The following SNX29 variants were observed in gnomAD, a reference collection of about 807,000 sequenced individuals.
The protein encoded by SNX29 is sorting nexin-29.
SNX29 carries 78 observed loss-of-function variants against 102.1 expected under a neutral mutation model. The observed-to-expected ratio is 0.76, with a 90% confidence interval of 0.64 to 0.92. The LOEUF (loss-of-function observed/expected upper bound fraction) is 0.92. Ranked by LOEUF, SNX29 falls within the 40% of genes least tolerant of loss-of-function variation. The probability of loss-of-function intolerance (pLI) is 0.00; values close to 1 mark genes in which losing one functional copy is unlikely to be tolerated. For missense variants in SNX29, 1,280 were observed against 1,061.7 expected, an observed-to-expected ratio of 1.21 and a Z score of -2.86; for synonymous variants, 580 against 414.5, an observed-to-expected ratio of 1.40 and a Z score of -4.85.
chr16:12,441,166 C>A (rs982531764), intron 18 of SNX29, among the ~76,000 whole-genome samples: 2 of 147,678 alleles, frequency 1.4e-5, no homozygotes, highest in African/African-American at 5.1e-5. Flanking sequence ...CGGCTCACTG[C>A]AAGCTCCGCC....
At chr16:12,160,737 G>T (rs1352434093) in intron 13 of SNX29, among the ~76,000 whole-genome samples, 1 of 152,162 alleles carries the variant, frequency 6.6e-6, no homozygotes, top group Non-Finnish European at 1.5e-5. Context: ...AAAAAAGTAA[G>T]GAGATTTTGT....
At chr16:12,317,059 C>G (rs1319612702) in intron 15 of SNX29, among the ~76,000 whole-genome samples, 1 of 152,248 alleles carries the variant, frequency 6.6e-6, no homozygotes, top group Admixed American at 6.5e-5. Context: ...TTGCCTCCTA[C>G]CTGCCCAGGT....
chr16:12,549,054 C>G (rs528241733), intron 20 of SNX29, among the ~76,000 whole-genome samples: 1 of 152,344 alleles, frequency 6.6e-6, no homozygotes, highest in East Asian at 1.9e-4. Flanking sequence ...TCCACTCTTG[C>G]AGCTGGGCAG....
At chr16:12,360,360 C>G (rs1447134585) in intron 16 of SNX29, among the ~76,000 whole-genome samples, 2 of 152,174 alleles carry the variant, frequency 1.3e-5, no homozygotes, top group African/African-American at 4.8e-5. Context: ...AGACACTTGG[C>G]TCCTTGAACT....
At chr16:12,561,203 AC>A in intron 20 of SNX29, 1 of 230,568 alleles carries the variant, frequency 4.3e-6, no homozygotes, top group Non-Finnish European at 8.6e-6. Context: ...GCCCATCAGG[AC>A]CCCCGCAGCC....
At chr16:11,980,588 AC>A (rs1203726143) in intron 1 of SNX29, among the ~76,000 whole-genome samples, 1 of 152,154 alleles carries the variant, frequency 6.6e-6, no homozygotes, top group African/African-American at 2.4e-5. Flanking sequence ...GCTGTGTCAG[AC>A]TGTTTTCTAA....
At chr16:12,412,431 C>T (rs1205709685) in intron 18 of SNX29, among the ~76,000 whole-genome samples, 2 of 152,226 alleles carry the variant, frequency 1.3e-5, no homozygotes, top group Non-Finnish European at 2.9e-5. Flanking sequence ...TTCTGTCACT[C>T]TCTCATTGAC....
intron 20 of SNX29, among the ~76,000 whole-genome samples, chr16:12,566,205 C>T (rs1293297598): frequency 1.3e-5 from 2 of 152,212 alleles, no homozygotes; most frequent in Non-Finnish European, 1.5e-5. Flanking sequence ...CACCACAGTA[C>T]TAGGATATGC....
chr16:12,562,581 C>G (rs1035512267), intron 20 of SNX29, among the ~76,000 whole-genome samples: 24 of 152,216 alleles, frequency 1.6e-4, no homozygotes, highest in African/African-American at 5.5e-4. Flanking sequence ...TAGTTTTTAC[C>G]CAGAGACGGG....
chr16:12,330,942 C>T (rs758360127), intron 15 of SNX29, among the ~76,000 whole-genome samples: 1 of 152,230 alleles, frequency 6.6e-6, no homozygotes. Context: ...GCATGCTAGC[C>T]CCCTGGCTTA....
At chr16:12,316,027 G>C (rs1342750238) in intron 15 of SNX29, among the ~76,000 whole-genome samples, 1 of 152,234 alleles carries the variant, frequency 6.6e-6, no homozygotes, top group Non-Finnish European at 1.5e-5. Flanking sequence ...ATACAGCTGA[G>C]TGCTCCGAAG....
At chr16:12,362,928 C>G (rs1266817788) in intron 16 of SNX29, among the ~76,000 whole-genome samples, 1 of 152,166 alleles carries the variant, frequency 6.6e-6, no homozygotes, top group African/African-American at 2.4e-5. Flanking sequence ...TGTGGGTCAA[C>G]TCATTGAGTG....
At chr16:12,169,385 G>C (rs1442649762) in intron 13 of SNX29, among the ~76,000 whole-genome samples, 1 of 152,102 alleles carries the variant, frequency 6.6e-6, no homozygotes, top group Non-Finnish European at 1.5e-5. Context: ...GCTGATCACG[G>C]GCTTCCTTTT....
chr16:12,172,292 C>T (rs772080564), intron 13 of SNX29, among the ~76,000 whole-genome samples: 1 of 151,958 alleles, frequency 6.6e-6, no homozygotes, highest in African/African-American at 2.4e-5. Context: ...AGGAAAGGGG[C>T]GAGGCTGGAG....
At chr16:12,447,134 T>C (rs1303661217) in intron 18 of SNX29, among the ~76,000 whole-genome samples, 2 of 115,628 alleles carry the variant, frequency 1.7e-5, no homozygotes, top group Non-Finnish European at 3.2e-5. Context: ...GCCACTGCAC[T>C]CCAGCCTGGC....
chr16:11,997,760 T>G (rs2056139593), intron 1 of SNX29, among the ~76,000 whole-genome samples: 1 of 152,196 alleles, frequency 6.6e-6, no homozygotes, highest in Admixed American at 6.5e-5. Context: ...ATTACAGGTG[T>G]GAGCCACTGT....
chr16:12,006,392 G>A (rs1340124676), intron 3 of SNX29, among the ~76,000 whole-genome samples: 4 of 151,372 alleles, frequency 2.6e-5, no homozygotes, highest in Non-Finnish European at 5.9e-5. Flanking sequence ...GCACATGCCT[G>A]TAATCCTAGC....
Position 12,041,074 on chromosome 16 carries a change from T to C in SNX29, c.248-1823T>C, listed in dbSNP as rs1467803879. 2.6e-5 allele frequency among the ~76,000 whole-genome samples: 4 copies of C among 152,170 alleles called. No individual in the cohort carries two copies. The East Asian group carries it at 7.7e-4, about 29-fold the overall frequency. On this transcript the variant is annotated intron_variant, in intron 4 of 20. Coordinates refer to ENST00000566228, the MANE Select transcript of SNX29 (RefSeq NM_032167.5). ...TGCCTGCCTTGGCCTCCCAAAGTGCTTGGATTACAGGGGTGAGCTACCGCG... is the reference window on the plus strand; with the variant it reads ...TGCCTGCCTTGGCCTCCCAAAGTGCCTGGATTACAGGGGTGAGCTACCGCG...
intron 15 of SNX29, among the ~76,000 whole-genome samples, chr16:12,333,385 G>T (rs1243712010): frequency 6.6e-6 from 1 of 152,028 alleles, no homozygotes; most frequent in South Asian, 2.1e-4. Flanking sequence ...GATTACAGAC[G>T]TGAGCCACCG....
Sources: allele counts gnomAD v4.1 joint callset (sites outside exome capture counted in the v4.1 genomes callset), GRCh38; gene constraint gnomAD v4.1.1; transcripts MANE v1.5; gene names NCBI Gene and HGNC (gene_info 2026-07-23, HGNC 2026-07-21).